GBF1: variants seen among roughly 807,000 people sequenced by gnomAD.
GBF1 encodes the protein Golgi-specific brefeldin A-resistance guanine nucleotide exchange factor 1.
A neutral mutation model predicts 210.5 loss-of-function variants in GBF1; 114 were observed. That is an observed-to-expected ratio of 0.54 (90% CI 0.47 to 0.63). The LOEUF is 0.63. Among genes scored for constraint, GBF1 ranks in the 30% least tolerant of loss-of-function variants. GBF1 has a pLI of 0.00. For missense variants in GBF1, 1,851 were observed against 2,357.7 expected (o/e 0.79, Z 4.45); for synonymous variants, 850 against 889.2 (o/e 0.96, Z 0.78).
chr10:102,276,141 GCAGGAGA>G (rs1418146865), intron 3 of GBF1, among the ~76,000 whole-genome samples: 4 of 152,184 alleles, frequency 2.6e-5, no homozygotes, highest in African/African-American at 7.2e-5. Context: ...GGAGGCTGAG[GCAGGAGA>G]ATCGCTTGAA....
chr10:102,247,535 A>G (rs1423908835), intron 1 of GBF1, among the ~76,000 whole-genome samples: 2 of 152,214 alleles, frequency 1.3e-5, no homozygotes, highest in African/African-American at 4.8e-5. Context: ...GCTTTGCATA[A>G]CAGGCAATCT....
At chr10:102,276,989 CACAT>C (rs1410230102) in intron 3 of GBF1, among the ~76,000 whole-genome samples, 1 of 151,862 alleles carries the variant, frequency 6.6e-6, no homozygotes, top group African/African-American at 2.4e-5. Context: ...CACACACACA[CACAT>C]GCACACACGT....
chr10:102,367,152 T>G lies in GBF1; in HGVS notation c.2501T>G (p.Leu834Arg). 6.2e-7 allele frequency: 1 copy of G among 1,613,836 alleles called. No individual in the cohort carries two copies. The highest frequency in any genetic ancestry group is 8.5e-7 in the Non-Finnish European group (1 of 1,179,726). ...TCCCTGGCCTATGCTGTCATCATGC[T>G]TAATACTGACCAGCACAACCACAAT... is the stretch of plus-strand genomic sequence containing the variant. ...CFSLAYAVIM[L>R]NTDQHNHNVR... Residue 834 changes from leucine to arginine, a missense_variant, in exon 20 of 40, where the codon CTT (leucine) becomes CGT (arginine). Around this residue, in one of 3 missense-constraint regions of GBF1, gnomAD observed 80 missense variants for 151.4 expected, o/e 0.53. Coordinates refer to ENST00000369983, the MANE Select transcript of GBF1 (RefSeq NM_001377137.1).
intron 31 of GBF1, 59 bp from the exon 32 acceptor site, chr10:102,376,501 G>T: frequency 6.2e-7 from 1 of 1,610,630 alleles, no homozygotes; most frequent in Admixed American, 1.7e-5. Context: ...CTGGTCCTCT[G>T]CAAGGACATT....
At position 102,353,716 on chromosome 10, in the gene GBF1, CT is replaced by C; in HGVS notation, c.639+64del. Reference sequence around the variant, plus strand: ...AACCTTAATCTCCCAACTTCAGTGCCTTGGGGTAACCTTGCTTAGCAAAGAT... The same window carrying C: ...AACCTTAATCTCCCAACTTCAGTGCCTGGGGTAACCTTGCTTAGCAAAGAT... On this transcript the variant is annotated intron_variant, in intron 8 of 39. Transcript: ENST00000369983. 2.5e-6 allele frequency: 3 copies of C among 1,197,568 alleles called. 1 individual carries two copies. In the South Asian group the frequency reaches 3.6e-5, roughly 15 times the overall value. 74.2% of individuals were successfully genotyped at this position (1,197,568 alleles called of 1,614,324 possible).
intron 3 of GBF1, among the ~76,000 whole-genome samples, chr10:102,289,881 G>A (rs1224910431): frequency 6.6e-6 from 1 of 152,144 alleles, no homozygotes; most frequent in Non-Finnish European, 1.5e-5. Context: ...AGGCCTAGGC[G>A]GGAGGATTGC....
At chr10:102,252,591 C>T (rs1465242107) in intron 1 of GBF1, among the ~76,000 whole-genome samples, 2 of 152,060 alleles carry the variant, frequency 1.3e-5, no homozygotes, top group Non-Finnish European at 2.9e-5. Context: ...CACCTATAAT[C>T]CCAGCATTTT....
intron 3 of GBF1, among the ~76,000 whole-genome samples, chr10:102,336,433 A>T: frequency 6.6e-6 from 1 of 152,252 alleles, no homozygotes; most frequent in Non-Finnish European, 1.5e-5. Context: ...ACTTTATTCC[A>T]TGCATTGTAC....
At chr10:102,303,226 G>A (rs1484529395) in intron 3 of GBF1, among the ~76,000 whole-genome samples, 2 of 152,244 alleles carry the variant, frequency 1.3e-5, no homozygotes, top group East Asian at 3.9e-4. Flanking sequence ...GACCTCAAGT[G>A]ATCCACCCAC....
intron 3 of GBF1, among the ~76,000 whole-genome samples, chr10:102,293,771 G>GTTTTTTTTTTT (rs56722082): frequency 3.1e-4 from 7 of 22,896 alleles, no homozygotes; most frequent in African/African-American, 1.5e-3. Context: ...TATGTTTTGT[G>GTTTTTTTTTTT]TTTTTTTTTT....
intron 3 of GBF1, among the ~76,000 whole-genome samples, chr10:102,276,965 T>TAC (rs112061268): frequency 0.069 from 10,194 of 148,644 alleles, 373 homozygotes; most frequent in Non-Finnish European, 0.084. Flanking sequence ...TTTTGCTACT[T>TAC]ACACACACAC....
intron 3 of GBF1, among the ~76,000 whole-genome samples, chr10:102,340,267 CTTTTTTT>C (rs1158590447): frequency 2.4e-5 from 2 of 83,526 alleles, no homozygotes; most frequent in South Asian, 3.4e-4. Flanking sequence ...TGGTCCATGC[CTTTTTTT>C]TTTTTTTTTT....
chr10:102,360,273 T>G lies in GBF1; in HGVS notation c.1270T>G (p.Ser424Ala). The G allele has an allele frequency of 6.2e-7, 1 of 1,612,414 alleles. No individual in the cohort carries two copies. The highest frequency in any genetic ancestry group is 2.2e-5 in the East Asian group (1 of 44,870). The stretch of plus-strand genomic sequence containing the variant: ...CACCAATCCACACGACCGCCATAAC[T>G]CAGAGGTTATGATTCACATGGGACT... ...SLTNPHDRHN[S>A]EVMIHMGLHL... Residue 424 changes from serine (S) to alanine (A), a missense_variant, in exon 12 of 40, where the codon TCA becomes GCA. Transcript: ENST00000369983.
intron 33 of GBF1, among the ~76,000 whole-genome samples, chr10:102,378,458 A>G (rs1193106144): frequency 6.6e-6 from 1 of 151,826 alleles, no homozygotes; most frequent in African/African-American, 2.4e-5. Context: ...CCCTGCCTCT[A>G]CAAAAATAAA....
At chr10:102,330,404 C>A (rs2057246430) in intron 3 of GBF1, among the ~76,000 whole-genome samples, 2 of 151,974 alleles carry the variant, frequency 1.3e-5, no homozygotes, top group Admixed American at 1.3e-4. Flanking sequence ...ATGTAGCTGG[C>A]CGGGTGCAGT....
rs1399137992 is a variant in GBF1, at chr10:102,362,684, T to C, written c.1876+20T>C. 3 of 1,588,038 alleles carry C rather than the reference T, an allele frequency of 1.9e-6. No homozygotes were observed. The highest frequency in any genetic ancestry group is 2.2e-5 in the South Asian group (2 of 90,430). The stretch of plus-strand genomic sequence containing the variant: ...GCAATAGTGAGAGGCATTTCTTTCT[T>C]TGATGAACCCAGTGTTCTATGCTTA... On this transcript the variant is annotated intron_variant, in intron 15 of 39. Transcript: ENST00000369983.
intron 3 of GBF1, among the ~76,000 whole-genome samples, chr10:102,294,386 CTTT>C (rs56033220): frequency 7.1e-6 from 1 of 140,796 alleles, no homozygotes; most frequent in Non-Finnish European, 1.5e-5. Context: ...TTTTCTTTTT[CTTT>C]TTTTTTTTTT....
At chr10:102,278,838 C>T (rs1163910610) in intron 3 of GBF1, among the ~76,000 whole-genome samples, 3 of 152,210 alleles carry the variant, frequency 2.0e-5, no homozygotes, top group African/African-American at 7.2e-5. Context: ...CAGGGTATCA[C>T]AACTGCAGGT....
chr10:102,340,387 C>T (rs1342856944), intron 3 of GBF1, among the ~76,000 whole-genome samples: 1 of 151,756 alleles, frequency 6.6e-6, no homozygotes, highest in South Asian at 2.1e-4. Flanking sequence ...ATTCTCCTGC[C>T]TCAGCCTTCC....
Sources: allele counts gnomAD v4.1 joint callset (sites outside exome capture counted in the v4.1 genomes callset), GRCh38; gene constraint gnomAD v4.1.1; regional missense constraint gnomAD v4.1.1; transcripts MANE v1.5; gene names NCBI Gene and HGNC (gene_info 2026-07-23, HGNC 2026-07-21).